Variants in AGBL1 observed in about 807,000 individuals in gnomAD.
AGBL1 encodes cytosolic carboxypeptidase 4.
Under a neutral mutation model 118.9 loss-of-function variants are expected in AGBL1, and 130 were observed. The observed-to-expected ratio is 1.09, with a 90% CI of 0.95 to 1.26. The LOEUF (loss-of-function observed/expected upper bound fraction) is 1.26, where lower values mean the gene tolerates loss of function less well. Among genes scored for constraint, AGBL1 ranks in the 50% most tolerant of loss-of-function variants. AGBL1 has a pLI of 0.00. For synonymous variants in AGBL1, 555 were observed against 478.9 expected, an observed-to-expected ratio of 1.16 and a Z score of -2.08; for missense variants, 1,584 against 1,298.1, an observed-to-expected ratio of 1.22 and a Z score of -3.38.
chr15:86,786,966 T>C (rs2078421209), intron 22 of AGBL1, among the ~76,000 whole-genome samples: 1 of 152,176 alleles, frequency 6.6e-6, no homozygotes, highest in South Asian at 2.1e-4. Flanking sequence ...GTGGTACCAA[T>C]TTACACTCGT....
At chr15:86,260,655 C>T (rs1597640872) in intron 9 of AGBL1, among the ~76,000 whole-genome samples, 1 of 152,250 alleles carries the variant, frequency 6.6e-6, no homozygotes, top group East Asian at 1.9e-4. Context: ...TTTTTATCTT[C>T]AAAGAGTTCA....
At chr15:86,677,232 G>T (rs577457306) in intron 22 of AGBL1, among the ~76,000 whole-genome samples, 1 of 152,292 alleles carries the variant, frequency 6.6e-6, no homozygotes, top group East Asian at 1.9e-4. Context: ...CATTTTTCAA[G>T]AGCAGAGGAA....
chr15:86,354,366 G>A (rs2080679740), intron 17 of AGBL1, among the ~76,000 whole-genome samples: 3 of 152,178 alleles, frequency 2.0e-5, no homozygotes, highest in South Asian at 2.1e-4. Context: ...AGTCTTTAAC[G>A]TCTTGGATAA....
chr15:86,640,624 T>G (rs1003690193), intron 21 of AGBL1, among the ~76,000 whole-genome samples: 1 of 152,152 alleles, frequency 6.6e-6, no homozygotes, highest in Non-Finnish European at 1.5e-5. Flanking sequence ...AGTTTAACCA[T>G]TTCTCTACTT....
chr15:86,210,927 C>T (rs1487361544), intron 5 of AGBL1, among the ~76,000 whole-genome samples: 1 of 152,188 alleles, frequency 6.6e-6, no homozygotes, highest in East Asian at 1.9e-4. Flanking sequence ...AGCTTTTCTG[C>T]TCTGGTTTCT....
rs192878198 is a variant in AGBL1, at chr15:86,108,882, G to A, written c.51+28859G>A. 3.3e-5 allele frequency among the ~76,000 whole-genome samples: 5 copies of A among 152,192 alleles called. No homozygotes were observed. The East Asian group carries it at 5.8e-4, about 18-fold the overall frequency. On this transcript the variant is annotated intron_variant, in intron 1 of 22. Coordinates refer to ENST00000614907, the MANE Select transcript of AGBL1 (RefSeq NM_001386094.1). The stretch of plus-strand genomic sequence containing the variant: ...TGAGGCAGGAGAATCACTTGAACCC[G>A]GGAGGTGGAGGTTGCAGTGAGCCAA...
intron 18 of AGBL1, among the ~76,000 whole-genome samples, chr15:86,513,981 A>C (rs2083084521): frequency 6.6e-6 from 1 of 152,002 alleles, no homozygotes; most frequent in Non-Finnish European, 1.5e-5. Context: ...CCACCTCTGA[A>C]ACCAGGCATT....
intron 18 of AGBL1, among the ~76,000 whole-genome samples, chr15:86,407,251 A>C (rs1436352585): frequency 2.6e-5 from 4 of 152,328 alleles, no homozygotes; most frequent in African/African-American, 7.2e-5. Flanking sequence ...AAACTGAGGC[A>C]AAAGGAGATT....
At chr15:86,454,571 AG>A (rs1460579811) in intron 18 of AGBL1, among the ~76,000 whole-genome samples, 4 of 152,228 alleles carry the variant, frequency 2.6e-5, no homozygotes, top group East Asian at 1.9e-4. Context: ...AGCAATAAAA[AG>A]GAACAAAATA....
intron 21 of AGBL1, among the ~76,000 whole-genome samples, chr15:86,631,829 C>G (rs972815478): frequency 5.3e-5 from 8 of 152,176 alleles, no homozygotes; most frequent in African/African-American, 1.9e-4. Context: ...CTGCCTCCAT[C>G]CCCTTTTGTT....
At chr15:86,561,096 C>T (rs1034832993) in intron 21 of AGBL1, among the ~76,000 whole-genome samples, 8 of 152,156 alleles carry the variant, frequency 5.3e-5, no homozygotes, top group Admixed American at 3.9e-4. Context: ...TGCCTGTTCA[C>T]TCTGATGGTA....
At chr15:86,120,141 C>A (rs1017637290) in intron 1 of AGBL1, among the ~76,000 whole-genome samples, 2 of 152,146 alleles carry the variant, frequency 1.3e-5, no homozygotes, top group African/African-American at 2.4e-5. Flanking sequence ...AATCTAAACT[C>A]CCCATCCTGC....
chr15:86,264,912 G>A, intron 11 of AGBL1, 74 bp downstream of exon 11: 4 of 1,320,056 alleles, frequency 3.0e-6, no homozygotes, highest in Non-Finnish European at 4.1e-6. Flanking sequence ...GGTTTGTACA[G>A]ATAATTCTAC....
intron 22 of AGBL1, among the ~76,000 whole-genome samples, chr15:86,734,615 A>G (rs2077567891): frequency 6.6e-6 from 1 of 151,996 alleles, no homozygotes. Flanking sequence ...CAGCCGGCCA[A>G]CTCCTATGCT....
intron 22 of AGBL1, among the ~76,000 whole-genome samples, chr15:86,787,341 T>C (rs1223075274): frequency 6.6e-6 from 1 of 152,152 alleles, no homozygotes; most frequent in Non-Finnish European, 1.5e-5. Context: ...ATTAGATCTC[T>C]AGACTTATTC....
intron 17 of AGBL1, among the ~76,000 whole-genome samples, chr15:86,325,879 C>T (rs773236254): frequency 1.2e-4 from 19 of 152,124 alleles, no homozygotes; most frequent in Non-Finnish European, 2.6e-4. Flanking sequence ...TTTCAATTTT[C>T]TCTCAGACCT....
intron 23 of AGBL1, among the ~76,000 whole-genome samples, chr15:86,922,402 T>A (rs893888891): frequency 6.6e-6 from 1 of 152,158 alleles, no homozygotes; most frequent in Non-Finnish European, 1.5e-5. Flanking sequence ...GAAATTCTCC[T>A]CTCTCAGCCT....
At chr15:86,188,370 A>T (rs2077666066) in intron 5 of AGBL1, among the ~76,000 whole-genome samples, 1 of 152,018 alleles carries the variant, frequency 6.6e-6, no homozygotes, top group African/African-American at 2.4e-5. Flanking sequence ...CATCTTCTTT[A>T]TTTCTGTAAA....
intron 4 of AGBL1, among the ~76,000 whole-genome samples, chr15:86,157,644 T>C (rs1490028773): frequency 6.6e-6 from 1 of 152,212 alleles, no homozygotes; most frequent in African/African-American, 2.4e-5. Context: ...ACTTTACTGA[T>C]GAGAGGTAAG....
Sources: gnomAD v4.1 joint callset for allele counts (sites outside exome capture counted in the v4.1 genomes callset) on GRCh38, gnomAD v4.1.1 for gene constraint, MANE v1.5 for transcripts, NCBI Gene and HGNC (gene_info 2026-07-23, HGNC 2026-07-21) for gene names.